Variants in RRAS2 observed in about 807,000 individuals in gnomAD.
The protein encoded by RRAS2 is ras-related protein R-Ras2.
In RRAS2, 7 loss-of-function variants were observed where a neutral mutation model predicts 27.6. The ratio of observed to expected loss-of-function variants is 0.25; its 90% confidence interval spans 0.14 to 0.48. RRAS2 has a LOEUF of 0.48. RRAS2 is among the 20% of genes least tolerant of loss of function. The pLI, the probability that RRAS2 is intolerant of heterozygous loss-of-function variation, is 0.99. For synonymous variants in RRAS2, 86 were observed against 90.9 expected (o/e 0.95, Z 0.31); for missense variants, 178 against 256.2 (o/e 0.69, Z 2.08).
intron 1 of RRAS2, among the ~76,000 whole-genome samples, chr11:14,322,216 G>C (rs1434472189): frequency 6.6e-6 from 1 of 151,218 alleles, no homozygotes; most frequent in Non-Finnish European, 1.5e-5. Flanking sequence ...GTGTCACTTG[G>C]ACTCAGGAAT....
At chr11:14,315,734 T>TA (rs1169711077) in intron 1 of RRAS2, among the ~76,000 whole-genome samples, 36 of 151,414 alleles carry the variant, frequency 2.4e-4, no homozygotes, top group African/African-American at 6.0e-4. Context: ...TAAAGTCTAC[T>TA]AAAAAAAAAC....
At chr11:14,328,987 G>GTA (rs782416411) in intron 1 of RRAS2, among the ~76,000 whole-genome samples, 23 of 53,880 alleles carry the variant, frequency 4.3e-4, no homozygotes, top group African/African-American at 1.1e-3. Context: ...TTATATATAT[G>GTA]TGTGTGTGTG....
intron 1 of RRAS2, among the ~76,000 whole-genome samples, chr11:14,319,884 T>C (rs1848189374): frequency 6.6e-6 from 1 of 152,204 alleles, no homozygotes; most frequent in African/African-American, 2.4e-5. Flanking sequence ...AAGATTATAA[T>C]TCCAGTTTAC....
In RRAS2 at chr11:14,279,102, C is replaced by T. The variant is rs1249822144; in HGVS notation, c.*235G>A. On this transcript the variant is annotated 3_prime_UTR_variant, in exon 6 of 6. Transcript: ENST00000256196. ...AAAAGAGCATGTCTGTGTATATAGACATATATTTTAAAGGAATCAGATAAT... is the reference window on the plus strand; with the variant it reads ...AAAAGAGCATGTCTGTGTATATAGATATATATTTTAAAGGAATCAGATAAT... The T allele has an allele frequency of 1.3e-5, 6 of 462,118 alleles. No homozygotes were observed. Among genetic ancestry groups the T allele is most frequent in the African/African-American group, 1.2e-4 (6 of 51,222 alleles). 28.6% of individuals were successfully genotyped at this position (462,118 alleles called of 1,614,324 possible).
At chr11:14,309,749 C>A (rs868951747) in intron 1 of RRAS2, among the ~76,000 whole-genome samples, 2 of 152,090 alleles carry the variant, frequency 1.3e-5, no homozygotes, top group Non-Finnish European at 2.9e-5. Context: ...GTAGCTACAA[C>A]AACAAACATG....
At chr11:14,296,835 G>A (rs1248119179) in intron 1 of RRAS2, among the ~76,000 whole-genome samples, 2 of 151,848 alleles carry the variant, frequency 1.3e-5, no homozygotes, top group African/African-American at 4.8e-5. Context: ...AAAAGGGGGG[G>A]GACAGTTAAA....
In RRAS2 at chr11:14,318,269, C is replaced by A. The variant is rs781955066; in HGVS notation, c.109-22414G>T. ...ATCCCAGCACTTTGGGAGGCCAAAG[C>A]GGGTGGATCACCTGAAGTCAGGGGT... On this transcript the variant is annotated intron_variant, in intron 1 of 5. Coordinates refer to ENST00000256196, the MANE Select transcript of RRAS2 (RefSeq NM_012250.6). 5.3e-5 allele frequency among the ~76,000 whole-genome samples: 8 copies of A among 152,206 alleles called. No individual in the cohort carries two copies. In the East Asian group the frequency reaches 7.7e-4, roughly 15 times the overall value.
At chr11:14,353,340 A>T (rs890566204) in intron 1 of RRAS2, among the ~76,000 whole-genome samples, 15 of 152,078 alleles carry the variant, frequency 9.9e-5, no homozygotes, top group Non-Finnish European at 2.2e-4. Flanking sequence ...TCGGCCAGGC[A>T]TGGTGCAGGC....
intron 1 of RRAS2, among the ~76,000 whole-genome samples, chr11:14,344,540 CA>C (rs1848788096): frequency 6.6e-6 from 1 of 152,210 alleles, no homozygotes; most frequent in Admixed American, 6.5e-5. Flanking sequence ...AAATCTACCA[CA>C]AATCTTCCTC....
At position 14,279,261 on chromosome 11, in the gene RRAS2, A is replaced by C; in HGVS notation, c.*76T>G. On this transcript the variant is annotated 3_prime_UTR_variant, in exon 6 of 6. Transcript: ENST00000256196. ...ATTTGTCTAAGGCTAGAAAGGTACC[A>C]ACAAGATGTAAACTGAGGAGAGAAA... is the stretch of plus-strand genomic sequence containing the variant. The C allele has an allele frequency of 9.5e-7, 1 of 1,054,832 alleles. No individual in the cohort carries two copies. Among genetic ancestry groups the C allele is most frequent in the Non-Finnish European group, 1.5e-6 (1 of 671,888 alleles). The allele number at this position is 1,054,832 out of a possible 1,614,324, so 65.3% of individuals were successfully genotyped here. A position where few individuals can be genotyped will look rare whatever the true frequency, so the allele number is the denominator to read the frequency against.
chr11:14,359,274 T>C, upstream of RRAS2: 1 of 662,224 alleles, frequency 1.5e-6, no homozygotes, highest in Non-Finnish European at 1.9e-6. Context: ...GTTCGGGAGG[T>C]AACCCGGGCT....
At chr11:14,330,730 C>T (rs1848466763) in intron 1 of RRAS2, among the ~76,000 whole-genome samples, 1 of 152,104 alleles carries the variant, frequency 6.6e-6, no homozygotes, top group Admixed American at 6.5e-5. Flanking sequence ...CTTTTAACCA[C>T]AGCTATATGT....
At position 14,279,213 on chromosome 11, in the gene RRAS2, C is replaced by T. The variant is rs8570; in HGVS notation, c.*124G>A. 5.7e-6 allele frequency: 4 copies of T among 700,142 alleles called. No homozygotes were observed. The highest frequency in any genetic ancestry group is 7.6e-6 in the Non-Finnish European group (3 of 396,542). 43.4% of individuals were successfully genotyped at this position (700,142 alleles called of 1,614,324 possible). On this transcript the variant is annotated 3_prime_UTR_variant, in exon 6 of 6. Transcript: ENST00000256196. ...CACAGAAAGGACTAGCCAGCTTCTTCGTCTAAGGCTAACATGGTGATCATT... is the reference window on the plus strand; with the variant it reads ...CACAGAAAGGACTAGCCAGCTTCTTTGTCTAAGGCTAACATGGTGATCATT...
rs373048432 is a variant in RRAS2 at position 14,311,339 on chromosome 11, T to A, written c.109-15484A>T. On this transcript the variant is annotated intron_variant, in intron 1 of 5. Coordinates refer to ENST00000256196, the MANE Select transcript of RRAS2 (RefSeq NM_012250.6). ...TCCAGCTTGGGCAACAGAGCGAGAA[T>A]CTGTCTTTAAAAAATAAAAATAAAA... 7.2e-5 allele frequency among the ~76,000 whole-genome samples: 11 copies of A among 152,262 alleles called. No individual in the cohort carries two copies. In the East Asian group the frequency reaches 1.5e-3, roughly 21 times the overall value.
At chr11:14,332,696 CCTT>C (rs1564975718) in intron 1 of RRAS2, among the ~76,000 whole-genome samples, 1 of 152,014 alleles carries the variant, frequency 6.6e-6, no homozygotes, top group East Asian at 1.9e-4. Context: ...AGACAAGGGA[CCTT>C]CTTGGAGAGA....
intron 1 of RRAS2, among the ~76,000 whole-genome samples, chr11:14,350,723 T>C (rs1848931096): frequency 6.6e-6 from 1 of 150,758 alleles, no homozygotes; most frequent in Admixed American, 6.6e-5. Context: ...AAAAAAAAAA[T>C]CTCATGTTTT....
rs184497291 is a variant in RRAS2, at chr11:14,330,346, T to C, written c.108+28417A>G. ...CCAGCACTTTGGGAGGCCCAATCTATATAAAAAATTTAAAAATTAGCCGGG... is the reference window on the plus strand; with the variant it reads ...CCAGCACTTTGGGAGGCCCAATCTACATAAAAAATTTAAAAATTAGCCGGG... On this transcript the variant is annotated intron_variant, in intron 1 of 5. Coordinates refer to ENST00000256196, the MANE Select transcript of RRAS2 (RefSeq NM_012250.6). 7.9e-4 allele frequency among the ~76,000 whole-genome samples: 120 copies of C among 152,222 alleles called. 1 individual carries two copies. Among genetic ancestry groups the C allele is most frequent in the African/African-American group, 2.2e-3 (93 of 41,534 alleles).
chr11:14,352,407 TC>T (rs1235104242), intron 1 of RRAS2, among the ~76,000 whole-genome samples: 1 of 152,200 alleles, frequency 6.6e-6, no homozygotes, highest in East Asian at 1.9e-4. Flanking sequence ...AATTTATATT[TC>T]TTTGCATCTT....
At chr11:14,287,357 G>C (rs1849688308) in intron 4 of RRAS2, among the ~76,000 whole-genome samples, 2 of 152,160 alleles carry the variant, frequency 1.3e-5, no homozygotes, top group South Asian at 4.1e-4. Context: ...ACATCCTTAA[G>C]TTAAAATATA....
Sources: allele counts gnomAD v4.1 joint callset (sites outside exome capture counted in the v4.1 genomes callset), GRCh38; gene constraint gnomAD v4.1.1; transcripts MANE v1.5; gene names NCBI Gene and HGNC (gene_info 2026-07-23, HGNC 2026-07-21).